CCNH: variants seen among roughly 807,000 people sequenced by gnomAD.
CCNH encodes the protein cyclin-H.
Under a neutral mutation model 41.9 loss-of-function variants are expected in CCNH, and 31 were observed. The observed-to-expected ratio is 0.74, with a 90% CI of 0.56 to 1.00. The LOEUF (loss-of-function observed/expected upper bound fraction) is 1.00. Ranked by LOEUF, CCNH falls within the 50% of genes least tolerant of loss-of-function variation. CCNH has a pLI of 0.00. For synonymous variants in CCNH, 138 were observed against 136.1 expected, an observed-to-expected ratio of 1.01 and a Z score of -0.10; for missense variants, 362 against 388.4, an observed-to-expected ratio of 0.93 and a Z score of 0.57.
intron 9 of CCNH, among the ~76,000 whole-genome samples, chr5:87,335,655 A>C (rs1448062560): frequency 6.6e-6 from 1 of 151,886 alleles, no homozygotes; most frequent in Non-Finnish European, 1.5e-5. Flanking sequence ...TGAACTACTG[A>C]CCTCGGGTGA....
intron 9 of CCNH, chr5:87,362,470 T>C (rs1760178213): frequency 7.7e-6 from 11 of 1,428,976 alleles, no homozygotes; most frequent in Non-Finnish European, 1.1e-5. Context: ...GCGCTTTGGC[T>C]TTTAATTGGT....
chr5:87,333,142 A>T, intron 9 of CCNH: 1 of 1,409,790 alleles, frequency 7.1e-7, no homozygotes, highest in Non-Finnish European at 9.4e-7. Context: ...CCAAGTAAAA[A>T]TTTATTTGAA....
At chr5:87,338,535 AATT>A (rs1758179226) in intron 9 of CCNH, among the ~76,000 whole-genome samples, 1 of 95,886 alleles carries the variant, frequency 1.0e-5, no homozygotes, top group Non-Finnish European at 1.9e-5. Flanking sequence ...ATATATATAA[AATT>A]TTTTTTTTTT....
chr5:87,399,357 G>T (rs1231470455), intron 7 of CCNH, 37 bp downstream of exon 7: 4 of 1,419,552 alleles, frequency 2.8e-6, no homozygotes, highest in Non-Finnish European at 4.0e-6. Context: ...CTGGATAACA[G>T]TTATGTCTAT....
At chr5:87,363,197 T>G in intron 9 of CCNH, 1 of 718,202 alleles carries the variant, frequency 1.4e-6, no homozygotes, top group South Asian at 1.8e-5. Flanking sequence ...AGATTTGTTA[T>G]AGGCATTTTC....
intron 9 of CCNH, among the ~76,000 whole-genome samples, chr5:87,330,407 A>G (rs186708087): frequency 2.6e-5 from 4 of 152,324 alleles, no homozygotes; most frequent in Non-Finnish European, 5.9e-5. Context: ...ATAATTGAAT[A>G]TATCAATGTA....
intron 7 of CCNH, 63 bp from the exon 8 acceptor site, chr5:87,395,167 ATAAAC>A: frequency 6.9e-7 from 1 of 1,450,264 alleles, no homozygotes. Flanking sequence ...AAAATGTAAA[ATAAAC>A]TAGCAAGGCT....
chr5:87,327,495 G>A (rs957969499), intron 9 of CCNH, among the ~76,000 whole-genome samples: 4 of 152,170 alleles, frequency 2.6e-5, no homozygotes, highest in African/African-American at 9.7e-5. Context: ...AGTTTCTGAC[G>A]AGATTTGGTA....
exon 1 of CCNH, chr5:87,377,160 C>G: frequency 1.5e-6 from 2 of 1,308,062 alleles, no homozygotes; most frequent in Non-Finnish European, 2.1e-6. Flanking sequence ...ATAAGTTATT[C>G]TGTTTTCCCT....
downstream of CCNH, chr5:87,374,711 T>C (rs1331671010): frequency 7.4e-7 from 1 of 1,343,350 alleles, no homozygotes; most frequent in East Asian, 2.5e-5. Flanking sequence ...GTGAATCTGG[T>C]TTTAGGTCTA....
downstream of CCNH, chr5:87,389,577 T>TA (rs1762328229): frequency 4.4e-6 from 7 of 1,600,380 alleles, no homozygotes; most frequent in African/African-American, 1.3e-5. Flanking sequence ...AGATAACACT[T>TA]AGAGAGTTAA....
intron 9 of CCNH, among the ~76,000 whole-genome samples, chr5:87,362,879 A>G (rs1213386130): frequency 2.6e-5 from 4 of 150,982 alleles, no homozygotes; most frequent in Admixed American, 2.0e-4. Flanking sequence ...TCTTCTACCC[A>G]TGGTTTCTTT....
rs1254001198 is a variant in CCNH, at chr5:87,403,056, C to T, written c.690-1284G>A. On this transcript the variant is annotated intron_variant, in intron 5 of 8. Transcript: ENST00000256897. Reference sequence around the variant, plus strand: ...GAAAGAGAAGAAAATCCAGAAATAACGGTAATAATCCTATGATTAATAATC... The same window carrying T: ...GAAAGAGAAGAAAATCCAGAAATAATGGTAATAATCCTATGATTAATAATC... Among the ~76,000 whole-genome samples the T allele has an allele frequency of 5.3e-5, 8 of 152,214 alleles. No homozygotes were observed. In the East Asian group the frequency reaches 7.7e-4, roughly 15 times the overall value.
chr5:87,366,257 G>C lies in CCNH; in HGVS notation c.*90+26513C>G, dbSNP rs74412753. The C allele has an allele frequency of 7.7e-3, 2,020 of 263,974 alleles. 33 individuals are homozygous for C. Among genetic ancestry groups the C allele is most frequent in the African/African-American group, 0.041 (1,867 of 45,566 alleles). 16.4% of individuals were successfully genotyped at this position (263,974 alleles called of 1,614,324 possible). On this transcript the variant is annotated intron_variant and NMD_transcript_variant, in intron 9 of 9. Transcript: ENST00000645953. ...CTAATGATACTTACAACTGCAATTA[G>C]ATGAATCTTAAGGAAGTATTAAGAT...
chr5:87,362,212 T>G (rs1760158915), intron 9 of CCNH, among the ~76,000 whole-genome samples: 1 of 152,254 alleles, frequency 6.6e-6, no homozygotes, highest in African/African-American at 2.4e-5. Context: ...CTACCAGTTA[T>G]GCTGGGACAA....
At chr5:87,409,496 C>T in intron 2 of CCNH, 133 bp from the exon 3 acceptor site, 1 of 528,906 alleles carries the variant, frequency 1.9e-6, no homozygotes, top group Non-Finnish European at 3.3e-6. Flanking sequence ...CTCATTAATT[C>T]TTCTTTAATC....
At chr5:87,335,419 GTTTTTT>G (rs34986349) in intron 9 of CCNH, among the ~76,000 whole-genome samples, 6 of 72,920 alleles carry the variant, frequency 8.2e-5, no homozygotes, top group African/African-American at 3.3e-4. Context: ...AAAGAATGAG[GTTTTTT>G]TTTTTTTTTT....
intron 5 of CCNH, among the ~76,000 whole-genome samples, chr5:87,404,079 T>G (rs982527868): frequency 6.6e-6 from 1 of 152,206 alleles, no homozygotes; most frequent in Non-Finnish European, 1.5e-5. Flanking sequence ...TCCCTTATCC[T>G]AGATGCAGAT....
chr5:87,323,100 G>A (rs891712463), intron 9 of CCNH, among the ~76,000 whole-genome samples: 1 of 152,158 alleles, frequency 6.6e-6, no homozygotes, highest in Admixed American at 6.5e-5. Flanking sequence ...TGAGCTGATG[G>A]ATAACTGATA....
Sources: allele counts gnomAD v4.1 joint callset (sites outside exome capture counted in the v4.1 genomes callset), GRCh38; gene constraint gnomAD v4.1.1; transcripts MANE v1.5; gene names NCBI Gene and HGNC (gene_info 2026-07-23, HGNC 2026-07-21).